ENOX1: variants seen among roughly 807,000 people sequenced by gnomAD.
ENOX1 encodes the protein candidate growth-related and time keeping constitutive hydroquinone (NADH) oxidase.
ENOX1 carries 42 observed loss-of-function variants against 82.5 expected under a neutral mutation model. That is an observed-to-expected ratio of 0.51 (90% confidence interval 0.40 to 0.66). The LOEUF (loss-of-function observed/expected upper bound fraction) is 0.66, where lower values mean the gene tolerates loss of function less well. Ranked by LOEUF, ENOX1 falls within the 30% of genes least tolerant of loss-of-function variation. The pLI, the probability that ENOX1 is intolerant of heterozygous loss-of-function variation, is 0.00. For synonymous variants in ENOX1, 271 were observed against 282.2 expected, an observed-to-expected ratio of 0.96 and a Z score of 0.40; for missense variants, 608 against 811.6, an observed-to-expected ratio of 0.75 and a Z score of 3.05.
chr13:43,613,485 A>G (rs1172387787), intron 2 of ENOX1, among the ~76,000 whole-genome samples: 2 of 152,132 alleles, frequency 1.3e-5, no homozygotes, highest in East Asian at 3.9e-4. Flanking sequence ...AAATGGGTCA[A>G]TCAAGGACAC....
intron 1 of ENOX1, among the ~76,000 whole-genome samples, chr13:43,777,363 A>C (rs1354248522): frequency 6.6e-6 from 1 of 152,228 alleles, no homozygotes; most frequent in East Asian, 1.9e-4. Flanking sequence ...TAGTCCATAA[A>C]AGTAAATACA....
intron 2 of ENOX1, among the ~76,000 whole-genome samples, chr13:43,486,310 G>C (rs1227781338): frequency 1.3e-5 from 2 of 152,130 alleles, no homozygotes; most frequent in African/African-American, 4.8e-5. Context: ...CTTGAACCCA[G>C]GAGGTGGAGG....
intron 5 of ENOX1, among the ~76,000 whole-genome samples, chr13:43,367,324 T>C (rs1222602862): frequency 6.6e-6 from 1 of 152,238 alleles, no homozygotes; most frequent in Non-Finnish European, 1.5e-5. Context: ...ACATAAGTCC[T>C]AATCCCCCAT....
At chr13:43,223,318 G>A (rs1232563614) in intron 16 of ENOX1, among the ~76,000 whole-genome samples, 2 of 152,108 alleles carry the variant, frequency 1.3e-5, no homozygotes, top group African/African-American at 4.8e-5. Flanking sequence ...TGTCCACCCC[G>A]CTCCTGGGCT....
chr13:43,759,172 C>G (rs970033254), intron 1 of ENOX1, among the ~76,000 whole-genome samples: 4 of 143,960 alleles, frequency 2.8e-5, no homozygotes, highest in Non-Finnish European at 6.0e-5. Flanking sequence ...CATCTTGGCT[C>G]ACTGCAACCT....
chr13:43,601,343 TA>T (rs2081712347), intron 2 of ENOX1, among the ~76,000 whole-genome samples: 1 of 151,912 alleles, frequency 6.6e-6, no homozygotes, highest in African/African-American at 2.4e-5. Context: ...GAGACTGAAA[TA>T]ATTAAAAAGA....
intron 14 of ENOX1, among the ~76,000 whole-genome samples, chr13:43,244,526 G>A (rs7995454): frequency 1.3e-5 from 2 of 152,098 alleles, no homozygotes; most frequent in East Asian, 3.9e-4. Context: ...ATCCTTATAA[G>A]TAAAGAAAGA....
intron 3 of ENOX1, among the ~76,000 whole-genome samples, chr13:43,439,840 G>A (rs1017326440): frequency 2.0e-5 from 3 of 152,076 alleles, no homozygotes; most frequent in Non-Finnish European, 2.9e-5. Flanking sequence ...AATGAGCAAC[G>A]AGCCAGATTT....
chr13:43,483,414 G>A (rs142631719), intron 3 of ENOX1, among the ~76,000 whole-genome samples: 276 of 152,176 alleles, frequency 1.8e-3, no homozygotes, highest in African/African-American at 6.5e-3. Flanking sequence ...TTTTCCTTGA[G>A]TAAGCAACAA....
chr13:43,751,724 C>T (rs912599413), intron 1 of ENOX1, among the ~76,000 whole-genome samples: 1 of 152,196 alleles, frequency 6.6e-6, no homozygotes, highest in Admixed American at 6.5e-5. Context: ...TTACATTTTA[C>T]TGCTGAGTAG....
At chr13:43,484,387 T>A (rs1397876951) in intron 2 of ENOX1, among the ~76,000 whole-genome samples, 1 of 152,228 alleles carries the variant, frequency 6.6e-6, no homozygotes, top group African/African-American at 2.4e-5. Context: ...CCTCTGCTTT[T>A]CCTCTTATCT....
At chr13:43,744,346 A>C (rs1949909413) in intron 1 of ENOX1, among the ~76,000 whole-genome samples, 1 of 152,136 alleles carries the variant, frequency 6.6e-6, no homozygotes, top group Non-Finnish European at 1.5e-5. Context: ...GACCCTAATA[A>C]ACCCCTCAGG....
intron 3 of ENOX1, chr13:43,458,566 A>T (rs952408784): frequency 2.0e-5 from 3 of 152,232 alleles, no homozygotes; most frequent in African/African-American, 7.2e-5. Context: ...ATATTGATAT[A>T]TTGATTATAT....
At chr13:43,285,978 C>T (rs1488032133) in intron 12 of ENOX1, among the ~76,000 whole-genome samples, 1 of 152,052 alleles carries the variant, frequency 6.6e-6, no homozygotes, top group Admixed American at 6.6e-5. Context: ...TGTTGCCTCT[C>T]CTAGCCAGCT....
At chr13:43,344,427 A>G (rs1594054306) in intron 9 of ENOX1, 111 bp downstream of exon 9, 2 of 858,468 alleles carry the variant, frequency 2.3e-6, no homozygotes, top group Non-Finnish European at 3.6e-6. Context: ...TTCAATATGG[A>G]GTAAAAATGG....
At position 43,786,866 on chromosome 13, in the gene ENOX1, GA is replaced by G. The variant is rs1273367561; in HGVS notation, c.-500del. The stretch of plus-strand genomic sequence containing the variant: ...GACAGAGGACGCCCCGTGGCGGCTG[GA>G]AGCCTGTGTGAGTAGCGGCGCCCGG... On this transcript the variant is annotated 5_prime_UTR_variant, in exon 1 of 17. Coordinates refer to ENST00000690772, the MANE Select transcript of ENOX1 (RefSeq NM_001347969.2). This position sits in a 1 kb window ranked among gnomAD's most constrained non-coding sequence, Gnocchi z 6.0. The G allele has an allele frequency of 1.3e-5, 2 of 152,072 alleles. No individual in the cohort carries two copies. Among genetic ancestry groups the G allele is most frequent in the Non-Finnish European group, 2.9e-5 (2 of 68,088 alleles). 9.4% of individuals were successfully genotyped at this position (152,072 alleles called of 1,614,324 possible).
At chr13:43,721,471 C>T (rs1422250457) in intron 1 of ENOX1, among the ~76,000 whole-genome samples, 4 of 147,112 alleles carry the variant, frequency 2.7e-5, no homozygotes, top group African/African-American at 5.0e-5. Flanking sequence ...CTCCGCCTCC[C>T]GGGTTCACGC....
intron 11 of ENOX1, among the ~76,000 whole-genome samples, chr13:43,317,760 C>T (rs1310932561): frequency 6.6e-6 from 1 of 150,716 alleles, no homozygotes; most frequent in Non-Finnish European, 1.5e-5. Context: ...AATCCCAACA[C>T]TTTGGGAGGC....
chr13:43,265,593 A>G (rs2044327977), intron 13 of ENOX1, 139 bp from the exon 14 acceptor site: 1 of 636,032 alleles, frequency 1.6e-6, no homozygotes, highest in Non-Finnish European at 2.6e-6. Flanking sequence ...GATGGAGCAC[A>G]TATTTCTAAT....
Sources: gnomAD v4.1 joint callset for allele counts (sites outside exome capture counted in the v4.1 genomes callset) on GRCh38, gnomAD v4.1.1 for gene constraint, Gnocchi (gnomAD v3.1) non-coding constraint, MANE v1.5 for transcripts, NCBI Gene and HGNC (gene_info 2026-07-23, HGNC 2026-07-21) for gene names.